Variants in SLC5A1 observed in about 807,000 individuals in gnomAD.
SLC5A1 encodes sodium/glucose cotransporter 1.
Under a neutral mutation model 73.5 loss-of-function variants are expected in SLC5A1, and 42 were observed. The observed-to-expected ratio is 0.57, with a 90% CI of 0.45 to 0.74. The LOEUF (loss-of-function observed/expected upper bound fraction) is 0.74, where lower values mean the gene tolerates loss of function less well. Among genes scored for constraint, SLC5A1 ranks in the 30% least tolerant of loss-of-function variants. SLC5A1 has a pLI of 0.00. For synonymous variants in SLC5A1, 300 were observed against 317.4 expected (o/e 0.95, Z 0.58); for missense variants, 634 against 855.4 (o/e 0.74, Z 3.23).
Position 32,104,828 on chromosome 22 carries a change from C to T in SLC5A1, c.1708C>T (p.Arg570Cys), listed in dbSNP as rs201271081. The change falls in exon 14 of 15, where the codon CGT becomes TGT. Residue 570 changes from arginine to cysteine, a missense_variant. By Grantham distance (180) the Arg-to-Cys change is radical. Around this residue, in one of 3 missense-constraint regions of SLC5A1, gnomAD observed 161 missense variants for 178.7 expected, o/e 0.90. Coordinates refer to ENST00000266088, the MANE Select transcript of SLC5A1 (RefSeq NM_000343.4). ...GAGCCTGCGCAACAGCAAAGAGGAG[C>T]GTATTGACCTGGATGCGGAAGAGGA... The part of the protein sequence containing the change: ...CWSLRNSKEE[R>C]IDLDAEEENI... 2.5e-6 allele frequency: 4 copies of T among 1,614,054 alleles called. No individual in the cohort carries two copies. Among genetic ancestry groups the T allele is most frequent in the East Asian group, 2.2e-5 (1 of 44,876 alleles).
At position 32,084,952 on chromosome 22, in the gene SLC5A1, G is replaced by C. The variant is rs1336341879; in HGVS notation, c.938G>C (p.Gly313Ala). The C allele has an allele frequency of 1.2e-6, 2 of 1,614,182 alleles. No individual in the cohort carries two copies. The highest frequency in any genetic ancestry group is 1.7e-6 in the Non-Finnish European group (2 of 1,180,004). Residue 313 changes from glycine to alanine, a missense_variant, in exon 9 of 15, where the codon GGC becomes GCC. Gly to Ala is a moderately conservative substitution (Grantham distance 60). This residue lies in a region of SLC5A1 where 422 missense variants were observed against 626.1 expected (regional missense o/e 0.67). Coordinates refer to ENST00000266088, the MANE Select transcript of SLC5A1 (RefSeq NM_000343.4). ...SAKNMSHVKGGCILCGYLKLM... is the reference protein window; with the variant it reads ...SAKNMSHVKGACILCGYLKLM... ...AAGAATATGTCTCACGTGAAGGGTG[G>C]CTGCATCCTGTGTGGGTATCTAAAG...
intron 11 of SLC5A1, among the ~76,000 whole-genome samples, chr22:32,097,295 C>T (rs772465303): frequency 9.2e-5 from 14 of 152,116 alleles, no homozygotes; most frequent in African/African-American, 2.7e-4. Context: ...GGAAAGGCTC[C>T]TGGGGAAGGG....
intron 11 of SLC5A1, among the ~76,000 whole-genome samples, chr22:32,097,775 A>G (rs1225039142): frequency 1.3e-5 from 2 of 152,216 alleles, no homozygotes; most frequent in Non-Finnish European, 2.9e-5. Context: ...TTTTACTATC[A>G]CTAATTCTTT....
chr22:32,060,825 C>T (rs2093961330), intron 2 of SLC5A1, among the ~76,000 whole-genome samples: 1 of 152,134 alleles, frequency 6.6e-6, no homozygotes, highest in South Asian at 2.1e-4. Context: ...TCACCTCAAC[C>T]TCCCAAAGTA....
intron 11 of SLC5A1, among the ~76,000 whole-genome samples, chr22:32,096,084 G>A (rs986926596): frequency 2.0e-5 from 3 of 152,052 alleles, no homozygotes; most frequent in African/African-American, 7.2e-5. Flanking sequence ...GGCTTTCCTG[G>A]TATATTCCTG....
intron 2 of SLC5A1, among the ~76,000 whole-genome samples, chr22:32,054,215 C>T (rs1213753093): frequency 6.6e-6 from 1 of 152,126 alleles, no homozygotes; most frequent in East Asian, 1.9e-4. Context: ...CCAGCTTCTC[C>T]TCCTTAAGCT....
chr22:32,101,365 C>T (rs905516452), intron 12 of SLC5A1, among the ~76,000 whole-genome samples: 14 of 152,006 alleles, frequency 9.2e-5, no homozygotes, highest in African/African-American at 2.7e-4. Flanking sequence ...AAAAATCATC[C>T]CCTCATGTTT....
At chr22:32,089,555 A>T (rs2094013633) in intron 10 of SLC5A1, among the ~76,000 whole-genome samples, 1 of 152,236 alleles carries the variant, frequency 6.6e-6, no homozygotes, top group African/African-American at 2.4e-5. Context: ...TCAAGGGAAC[A>T]TGAGTTATCT....
intron 2 of SLC5A1, among the ~76,000 whole-genome samples, chr22:32,062,736 G>A (rs1335969979): frequency 2.0e-5 from 3 of 152,122 alleles, no homozygotes; most frequent in Admixed American, 1.3e-4. Flanking sequence ...GATGAGGAGT[G>A]GACAGAGAAA....
intron 2 of SLC5A1, among the ~76,000 whole-genome samples, chr22:32,060,199 A>ATATTTT (rs1555962203): frequency 1.5e-5 from 2 of 136,560 alleles, no homozygotes; most frequent in Non-Finnish European, 3.1e-5. Context: ...ATATATATAT[A>ATATTTT]TTTTTTTAAG....
chr22:32,072,644 A>C (rs1390178062), intron 5 of SLC5A1, among the ~76,000 whole-genome samples: 1 of 152,232 alleles, frequency 6.6e-6, no homozygotes, highest in Admixed American at 6.5e-5. Context: ...TAATTTCTTA[A>C]TTTAGGTAGT....
intron 14 of SLC5A1, among the ~76,000 whole-genome samples, chr22:32,107,081 A>G (rs1308678692): frequency 6.6e-6 from 1 of 152,152 alleles, no homozygotes; most frequent in Non-Finnish European, 1.5e-5. Context: ...GTACCTTTCA[A>G]TTCTAAAACT....
Position 32,110,510 on chromosome 22 carries a change from CG to C in SLC5A1, c.*298del. The C allele has an allele frequency of 4.3e-6, 2 of 460,898 alleles. No homozygotes were observed. Among genetic ancestry groups the C allele is most frequent in the East Asian group, 8.8e-5 (2 of 22,798 alleles). The allele number at this position is 460,898 out of a possible 1,614,324, so 28.6% of individuals were successfully genotyped here. A position where few individuals can be genotyped will look rare whatever the true frequency, so the allele number is the denominator to read the frequency against. On this transcript the variant is annotated 3_prime_UTR_variant, in exon 15 of 15. Coordinates refer to ENST00000266088, the MANE Select transcript of SLC5A1 (RefSeq NM_000343.4). ...CAGAAGCCATGTGATTGATGTCTGA[CG>C]TGAGTCTGTCTCAGGTAGATTCCGG...
intron 9 of SLC5A1, among the ~76,000 whole-genome samples, chr22:32,085,752 G>A (rs954176290): frequency 4.6e-5 from 7 of 151,782 alleles, no homozygotes; most frequent in South Asian, 2.1e-4. Flanking sequence ...CCAGCAGGGC[G>A]GGGCAGGCAC....
At chr22:32,062,880 C>T (rs1249850216) in intron 2 of SLC5A1, among the ~76,000 whole-genome samples, 1 of 152,188 alleles carries the variant, frequency 6.6e-6, no homozygotes, top group Non-Finnish European at 1.5e-5. Flanking sequence ...GCTGCCACAA[C>T]AAAATACCAC....
chr22:32,046,227 T>A (rs1432974697), intron 1 of SLC5A1, among the ~76,000 whole-genome samples: 2 of 152,188 alleles, frequency 1.3e-5, no homozygotes, highest in African/African-American at 4.8e-5. Context: ...CAAGGTCTTA[T>A]GATGCCAAAG....
intron 11 of SLC5A1, among the ~76,000 whole-genome samples, chr22:32,098,005 AC>A (rs1349843850): frequency 6.6e-6 from 1 of 152,224 alleles, no homozygotes; most frequent in Non-Finnish European, 1.5e-5. Flanking sequence ...GGAGATCAAA[AC>A]CATACACACT....
chr22:32,070,783 G>T (rs1455504455), intron 5 of SLC5A1, among the ~76,000 whole-genome samples: 1 of 152,154 alleles, frequency 6.6e-6, no homozygotes, highest in African/African-American at 2.4e-5. Flanking sequence ...CAGCCCAAAA[G>T]ATGGTAGGAA....
rs549117255 is a variant in SLC5A1 at position 32,067,865 on chromosome 22, A to G, written c.313-102A>G. On this transcript the variant is annotated intron_variant, in intron 3 of 14. Transcript: ENST00000266088. ...GTCTCTAACGGCTCCTTAGGGGAGA[A>G]CATGCTGGGTAATTTTTCTGCAGCA... 160 of 1,196,922 alleles carry G rather than the reference A, an allele frequency of 1.3e-4. No individual in the cohort carries two copies. The East Asian group carries it at 3.1e-3, about 24-fold the overall frequency. The allele number at this position is 1,196,922 out of a possible 1,614,324, so 74.1% of individuals were successfully genotyped here.
Sources: gnomAD v4.1 joint callset for allele counts (sites outside exome capture counted in the v4.1 genomes callset) on GRCh38, gnomAD v4.1.1 for gene constraint, gnomAD v4.1.1 regional missense constraint, MANE v1.5 for transcripts, NCBI Gene and HGNC (gene_info 2026-07-23, HGNC 2026-07-21) for gene names.